Variants in OXNAD1 observed in about 807,000 individuals in gnomAD.
OXNAD1 encodes the protein oxidoreductase NAD-binding domain-containing protein 1.
OXNAD1 carries 34 observed loss-of-function variants against 32.9 expected under a neutral mutation model. The observed-to-expected ratio is 1.03, with a 90% CI of 0.79 to 1.38. The LOEUF (loss-of-function observed/expected upper bound fraction) is 1.38, where lower values mean the gene tolerates loss of function less well. OXNAD1 is among the 40% of genes most tolerant of loss of function. OXNAD1 has a pLI of 0.00. For synonymous variants in OXNAD1, 134 were observed against 135.2 expected (o/e 0.99, Z 0.06); for missense variants, 407 against 379.4 (o/e 1.07, Z -0.60).
chr3:16,326,770 T>C, intron 9 of OXNAD1: 4 of 1,610,390 alleles, frequency 2.5e-6, no homozygotes, highest in Non-Finnish European at 3.4e-6. Context: ...CTGTTATTGT[T>C]ACCTGGTAGT....
Position 16,290,205 on chromosome 3 carries a change from A to G in OXNAD1, c.290+3757A>G, listed in dbSNP as rs2066338407. On this transcript the variant is annotated intron_variant, in intron 5 of 8. Coordinates refer to ENST00000285083, the MANE Select transcript of OXNAD1 (RefSeq NM_138381.5). The surrounding 1 kb of genome is among the most constrained non-coding windows in gnomAD (Gnocchi z 4.2). ...TTCTGCATACACTCACTCATTGGGTATATAGTAAGGGCTTTAACTCATGGC... is the reference window on the plus strand; with the variant it reads ...TTCTGCATACACTCACTCATTGGGTGTATAGTAAGGGCTTTAACTCATGGC... 6.6e-6 allele frequency among the ~76,000 whole-genome samples: 1 copy of G among 152,206 alleles called. No homozygotes were observed.
intron 9 of OXNAD1, among the ~76,000 whole-genome samples, chr3:16,332,461 T>A (rs974003529): frequency 6.6e-6 from 1 of 152,108 alleles, no homozygotes; most frequent in African/African-American, 2.4e-5. Context: ...ATGGATACAT[T>A]TATTTTATCT....
chr3:16,290,527 C>T lies in OXNAD1; in HGVS notation c.290+4079C>T, dbSNP rs2125054751. On this transcript the variant is annotated intron_variant, in intron 5 of 8. Coordinates refer to ENST00000285083, the MANE Select transcript of OXNAD1 (RefSeq NM_138381.5). The surrounding 1 kb of genome is among the most constrained non-coding windows in gnomAD (Gnocchi z 4.2). ...CACTGTAGTTCAGGAGATGAAGCAG[C>T]AAAAGTAGCTTATTAATGTATTTAT... Among the ~76,000 whole-genome samples, 1 of 152,274 alleles carries T rather than the reference C, an allele frequency of 6.6e-6. No homozygotes were observed. The highest frequency in any genetic ancestry group is 2.1e-4 in the South Asian group (1 of 4,824).
At chr3:16,351,080 T>TTATG (rs1385956266), downstream of OXNAD1, among the ~76,000 whole-genome samples, 2 of 152,162 alleles carry the variant, frequency 1.3e-5, no homozygotes, top group African/African-American at 4.8e-5. The surrounding 1 kb of genome is among the most constrained non-coding windows in gnomAD (Gnocchi z 5.4). Flanking sequence ...ATTCACAGGA[T>TTATG]TATGAGACAG....
At chr3:16,267,897 A>G (rs2064644680) in intron 1 of OXNAD1, among the ~76,000 whole-genome samples, 1 of 152,228 alleles carries the variant, frequency 6.6e-6, no homozygotes, top group South Asian at 2.1e-4. Context: ...TGTTAAATTT[A>G]ATCTGTTGCT....
chr3:16,333,231 C>T (rs1437086269), intron 9 of OXNAD1, among the ~76,000 whole-genome samples: 1 of 152,194 alleles, frequency 6.6e-6, no homozygotes, highest in Non-Finnish European at 1.5e-5. Flanking sequence ...AAAAATGTGG[C>T]ACTATGTGTA....
intron 4 of OXNAD1, among the ~76,000 whole-genome samples, chr3:16,274,504 G>C (rs2065187222): frequency 6.6e-6 from 1 of 152,188 alleles, no homozygotes; most frequent in African/African-American, 2.4e-5. Context: ...AGTAAATACT[G>C]AGGATAATGC....
rs2069722557 is a variant in OXNAD1, at chr3:16,326,632, G to C, written c.*31-10480G>C. On this transcript the variant is annotated intron_variant, in intron 9 of 9. Coordinates refer to the OXNAD1 transcript ENST00000435829. ...AAGAATGTGAAATTCTGGCTCTGCTGCTTCCCAGTGGGAGAGTTTACATAA... is the reference window on the plus strand; with the variant it reads ...AAGAATGTGAAATTCTGGCTCTGCTCCTTCCCAGTGGGAGAGTTTACATAA... 1.9e-5 allele frequency: 12 copies of C among 645,810 alleles called. No individual in the cohort carries two copies. The South Asian group carries it at 2.3e-4, about 13-fold the overall frequency. 40.0% of individuals were successfully genotyped at this position (645,810 alleles called of 1,614,324 possible). A position where few individuals can be genotyped will look rare whatever the true frequency, so the allele number is the denominator to read the frequency against.
rs1405633827 is a variant in OXNAD1 at position 16,321,567 on chromosome 3, C to T, written c.*31-15545C>T. On this transcript the variant is annotated intron_variant, in intron 9 of 9. Coordinates refer to the OXNAD1 transcript ENST00000435829. This position sits in a 1 kb window ranked among gnomAD's most constrained non-coding sequence, Gnocchi z 4.8. ...GGGACACCCAGTGCAGAAGATTCTT[C>T]CAAGGAGTCTGGCTGTGAAGCCCCC... Among the ~76,000 whole-genome samples the T allele has an allele frequency of 2.0e-5, 3 of 152,158 alleles. No individual in the cohort carries two copies.
At position 16,344,431 on chromosome 3, in the gene OXNAD1, G is replaced by A. The variant is rs114804672; in HGVS notation, c.*31-4745G>A. On this transcript the variant is annotated intron_variant, in intron 9 of 9. Coordinates refer to the OXNAD1 transcript ENST00000606098. The surrounding 1 kb of genome is among the most constrained non-coding windows in gnomAD (Gnocchi z 4.4). ...AGATACATTCAGAAAAGGCGGCTCT[G>A]GTTGACACTGGCATGGGTGGGTGGT... is the stretch of plus-strand genomic sequence containing the variant. Among the ~76,000 whole-genome samples the A allele has an allele frequency of 0.02, 2,986 of 152,124 alleles. 98 individuals carry two copies. The highest frequency in any genetic ancestry group is 0.067 in the African/African-American group (2,784 of 41,456).
chr3:16,312,568 T>C lies in OXNAD1; in HGVS notation c.*30+8976T>C, dbSNP rs1036396368. On this transcript the variant is annotated intron_variant, in intron 9 of 9. Transcript: ENST00000435829. The surrounding 1 kb of genome is among the most constrained non-coding windows in gnomAD (Gnocchi z 4.7). ...GCAGGACAGAGCCCAGACTGTGTGC[T>C]CCCTGCAGCACAGTGCCCCTATGCC... Among the ~76,000 whole-genome samples the C allele has an allele frequency of 3.2e-4, 48 of 152,288 alleles. No homozygotes were observed.
chr3:16,351,804 C>G (rs689779), downstream of OXNAD1, among the ~76,000 whole-genome samples: 56,774 of 152,108 alleles, frequency 0.37, 11,301 homozygotes, highest in East Asian at 0.45. The surrounding 1 kb of genome is among the most constrained non-coding windows in gnomAD (Gnocchi z 5.4). Context: ...CTTGAATAGA[C>G]TCAGCAAAGA....
At chr3:16,315,033 T>C (rs1351755135) in intron 9 of OXNAD1, 1 of 151,808 alleles carries the variant, frequency 6.6e-6, no homozygotes, top group Non-Finnish European at 1.5e-5. Context: ...GGGTGGGGAG[T>C]TTGTCAAGAA....
At chr3:16,275,498 C>G (rs2065252028) in intron 4 of OXNAD1, 1 of 152,208 alleles carries the variant, frequency 6.6e-6, no homozygotes, top group East Asian at 1.9e-4. Context: ...CCCAGGAGTT[C>G]AAGGTTACTA....
intron 9 of OXNAD1, chr3:16,326,901 GGCT>G (rs758028512): frequency 3.2e-6 from 5 of 1,578,712 alleles, no homozygotes; most frequent in African/African-American, 1.3e-5. Context: ...CCAGCATTAG[GGCT>G]GCTGCTGCCA....
At chr3:16,268,182 A>G (rs1365383591) in intron 1 of OXNAD1, among the ~76,000 whole-genome samples, 1 of 152,168 alleles carries the variant, frequency 6.6e-6, no homozygotes, top group African/African-American at 2.4e-5. Context: ...TTTTATTTAA[A>G]GGACTGGCAT....
At chr3:16,326,685 A>C (rs1388397523) in intron 9 of OXNAD1, 1 of 962,140 alleles carries the variant, frequency 1.0e-6, no homozygotes, top group Non-Finnish European at 1.6e-6. Context: ...AGGATTAAAT[A>C]ATTTATAGAC....
At chr3:16,292,192 C>CTTT (rs34684511) in intron 5 of OXNAD1, among the ~76,000 whole-genome samples, 1 of 134,536 alleles carries the variant, frequency 7.4e-6, no homozygotes, top group African/African-American at 2.7e-5. Context: ...GTCTTCTTAA[C>CTTT]TTTTTTTTTT....
At chr3:16,318,037 A>G (rs1412050158) in intron 9 of OXNAD1, among the ~76,000 whole-genome samples, 1 of 152,190 alleles carries the variant, frequency 6.6e-6, no homozygotes, top group Non-Finnish European at 1.5e-5. Flanking sequence ...CCGGGGGCCC[A>G]ACCTGCAACC....
Sources: gnomAD v4.1 joint callset for allele counts (sites outside exome capture counted in the v4.1 genomes callset) on GRCh38, gnomAD v4.1.1 for gene constraint, Gnocchi (gnomAD v3.1) non-coding constraint, MANE v1.5 for transcripts, NCBI Gene and HGNC (gene_info 2026-07-23, HGNC 2026-07-21) for gene names.